The following XIRP2 variants were observed in gnomAD, a reference collection of about 807,000 sequenced individuals.
XIRP2 encodes the protein xin actin binding repeat containing 2.
XIRP2 carries 236 observed loss-of-function variants against 277.0 expected under a neutral mutation model. That is an observed-to-expected ratio of 0.85 (90% CI 0.77 to 0.95). The LOEUF is 0.95. Among genes scored for constraint, XIRP2 ranks in the 40% least tolerant of loss-of-function variants. XIRP2 has a pLI of 0.00. For synonymous variants in XIRP2, 1,490 were observed against 1,416.5 expected, an observed-to-expected ratio of 1.05 and a Z score of -1.17; for missense variants, 4,640 against 4,157.5, an observed-to-expected ratio of 1.12 and a Z score of -3.19.
chr2:167,158,471 A>T (rs930718858), intron 3 of XIRP2, among the ~76,000 whole-genome samples: 3 of 152,196 alleles, frequency 2.0e-5, no homozygotes, highest in Admixed American at 6.5e-5. Context: ...ACATTTATCA[A>T]GCTCCTCAGA....
intron 2 of XIRP2, among the ~76,000 whole-genome samples, chr2:166,934,839 T>C (rs1234524136): frequency 6.7e-6 from 1 of 148,326 alleles, no homozygotes; most frequent in Non-Finnish European, 1.5e-5. Flanking sequence ...AAGCACTGTC[T>C]CTACTAAAAA....
intron 2 of XIRP2, among the ~76,000 whole-genome samples, chr2:166,904,584 C>G (rs1216184871): frequency 6.6e-6 from 1 of 152,040 alleles, no homozygotes; most frequent in East Asian, 1.9e-4. Flanking sequence ...ACAGGATTAG[C>G]AACATTATTA....
intron 5 of XIRP2, among the ~76,000 whole-genome samples, chr2:167,228,509 G>A (rs1257452831): frequency 1.3e-5 from 2 of 152,094 alleles, no homozygotes; most frequent in African/African-American, 4.8e-5. Flanking sequence ...TTGGGGAAAT[G>A]GTGCAGTCTG....
intron 2 of XIRP2, among the ~76,000 whole-genome samples, chr2:167,094,881 G>A (rs906968509): frequency 6.6e-6 from 1 of 152,114 alleles, no homozygotes; most frequent in African/African-American, 2.4e-5. Flanking sequence ...GATGGGGATA[G>A]CATTGAATCT....
In XIRP2 at chr2:167,258,213, T is replaced by TCAAAATGCA; in HGVS notation, c.*403_*404insCACAAAATG. ...AAAACCTTACCCTTTGAGGAAGAGC[T>TCAAAATGCA]CAAAATGAGTAAACCTAAGTGGCCA... On this transcript the variant is annotated 3_prime_UTR_variant, in exon 11 of 11. Coordinates refer to ENST00000409195, the MANE Select transcript of XIRP2 (RefSeq NM_152381.6). The TCAAAATGCA allele has an allele frequency of 6.2e-7, 1 of 1,612,962 alleles. No individual in the cohort carries two copies. Among genetic ancestry groups the TCAAAATGCA allele is most frequent in the Non-Finnish European group, 8.5e-7 (1 of 1,179,524 alleles).
intron 2 of XIRP2, among the ~76,000 whole-genome samples, chr2:166,994,741 G>A (rs965979348): frequency 6.6e-6 from 1 of 151,458 alleles, no homozygotes; most frequent in Non-Finnish European, 1.5e-5. Context: ...TGAGTTAATA[G>A]TATTATGTCA....
intron 2 of XIRP2, among the ~76,000 whole-genome samples, chr2:167,068,750 T>C (rs1008614166): frequency 6.6e-6 from 1 of 152,164 alleles, no homozygotes; most frequent in Non-Finnish European, 1.5e-5. Context: ...GTCCAACCCA[T>C]GGCCCAGGGG....
intron 2 of XIRP2, among the ~76,000 whole-genome samples, chr2:167,048,389 T>C (rs1444724101): frequency 6.6e-6 from 1 of 152,004 alleles, no homozygotes; most frequent in Non-Finnish European, 1.5e-5. Flanking sequence ...CACAGCTCTC[T>C]TTTGAATTTT....
rs1252772289 is a variant in XIRP2, at chr2:167,251,481, CAT to C, written c.10091_10092del (p.Ile3364ThrfsTer9). On this transcript the variant is annotated frameshift_variant, in exon 9 of 11. Transcript: ENST00000409195. LOFTEE classifies it high-confidence loss of function. Reference protein sequence around the residue: ...VYAKGETNHNIQQESRTFCKE... With the variant: ...VYAKGETNHNXQQESRTFCKE... ...ATGCAAAGGGAGAAACAAACCATAACATACAACAAGAAAGTCGTACATTTTGT... is the reference window on the plus strand; with the variant it reads ...ATGCAAAGGGAGAAACAAACCATAACACAACAAGAAAGTCGTACATTTTGT... 4 of 1,613,400 alleles carry C rather than the reference CAT, an allele frequency of 2.5e-6. No homozygotes were observed. In the East Asian group the frequency reaches 8.9e-5, roughly 36 times the overall value.
chr2:167,209,002 G>A (rs1693942383), intron 3 of XIRP2, among the ~76,000 whole-genome samples: 1 of 152,164 alleles, frequency 6.6e-6, no homozygotes, highest in African/African-American at 2.4e-5. Flanking sequence ...GTCTTTCAGT[G>A]ATTTGTGGGA....
intron 3 of XIRP2, among the ~76,000 whole-genome samples, chr2:167,200,527 T>C (rs1484576630): frequency 6.6e-6 from 1 of 152,246 alleles, no homozygotes. Context: ...TGGACTTTCA[T>C]GTTGCTTGTC....
intron 2 of XIRP2, among the ~76,000 whole-genome samples, chr2:167,077,753 G>C (rs1477397356): frequency 2.0e-5 from 3 of 152,300 alleles, no homozygotes; most frequent in South Asian, 2.1e-4. Context: ...TATGGGCCAT[G>C]TTAAGGGTTT....
chr2:167,012,647 A>C (rs78382647), intron 2 of XIRP2, among the ~76,000 whole-genome samples: 1 of 151,498 alleles, frequency 6.6e-6, no homozygotes, highest in Non-Finnish European at 1.5e-5. Flanking sequence ...CTATTTTTCC[A>C]TGTCCTTGTA....
At chr2:167,002,203 T>G (rs1687392502) in intron 2 of XIRP2, among the ~76,000 whole-genome samples, 1 of 152,044 alleles carries the variant, frequency 6.6e-6, no homozygotes, top group Non-Finnish European at 1.5e-5. Flanking sequence ...AAAATCAGAT[T>G]TATTACCTAA....
chr2:167,251,683 G>A lies in XIRP2; in HGVS notation c.10291G>A (p.Glu3431Lys), dbSNP rs1422143825. The A allele has an allele frequency of 1.9e-6, 3 of 1,613,244 alleles. No homozygotes were observed. In the African/African-American group the frequency reaches 4.0e-5, roughly 22 times the overall value. Residue 3431 changes from glutamate (E) to lysine (K), a missense_variant, in exon 9 of 11, where the codon GAG becomes AAG. Coordinates refer to ENST00000409195, the MANE Select transcript of XIRP2 (RefSeq NM_152381.6). Reference protein sequence around the residue: ...GMDAFESQIVESKMKTSSSHS... With the variant: ...GMDAFESQIVKSKMKTSSSHS... The stretch of plus-strand genomic sequence containing the variant: ...GGATGCATTTGAGAGTCAAATTGTT[G>A]AGTCGAAGATGAAAACCTCTTCATC...
chr2:167,086,192 G>T lies in XIRP2; in HGVS notation c.409-49717G>T, dbSNP rs978591561. Among the ~76,000 whole-genome samples the T allele has an allele frequency of 1.8e-3, 276 of 151,878 alleles. 1 individual carries two copies. Among genetic ancestry groups the T allele is most frequent in the East Asian group, 0.014 (70 of 5,144 alleles). On this transcript the variant is annotated intron_variant, in intron 2 of 10. Coordinates refer to ENST00000409195, the MANE Select transcript of XIRP2 (RefSeq NM_152381.6). ...GTCTGTAAAGTATTTTATTTCTCCT[G>T]CACTTATGAAGCTTAGTTTGGCTGG...
intron 2 of XIRP2, among the ~76,000 whole-genome samples, chr2:167,083,361 T>C (rs1689806966): frequency 6.6e-6 from 1 of 152,270 alleles, no homozygotes; most frequent in Non-Finnish European, 1.5e-5. Flanking sequence ...GTAGTATAGA[T>C]TGAAGTCAGG....
intron 3 of XIRP2, among the ~76,000 whole-genome samples, chr2:167,166,936 T>A (rs1025886610): frequency 6.6e-6 from 1 of 152,156 alleles, no homozygotes; most frequent in Non-Finnish European, 1.5e-5. Flanking sequence ...ACAGGATTGT[T>A]GAAGTTTCCA....
intron 5 of XIRP2, among the ~76,000 whole-genome samples, chr2:167,228,359 G>T (rs997991929): frequency 1.3e-5 from 2 of 152,112 alleles, no homozygotes; most frequent in Non-Finnish European, 2.9e-5. Flanking sequence ...CTGCTAATGC[G>T]TAGAGGGATT....
Sources: allele counts gnomAD v4.1 joint callset (sites outside exome capture counted in the v4.1 genomes callset), GRCh38; gene constraint gnomAD v4.1.1; transcripts MANE v1.5; gene names NCBI Gene and HGNC (gene_info 2026-07-23, HGNC 2026-07-21).